Variants in NRG1 observed in about 807,000 individuals in gnomAD.
NRG1 encodes the protein pro-neuregulin-1, membrane-bound isoform.
A neutral mutation model predicts 63.8 loss-of-function variants in NRG1; 18 were observed. That is an observed-to-expected ratio of 0.28 (90% CI 0.19 to 0.42). NRG1 has a LOEUF of 0.42. Among genes scored for constraint, NRG1 ranks in the 10% least tolerant of loss-of-function variants. NRG1 has a pLI of 1.00. For synonymous variants in NRG1, 302 were observed against 301.3 expected, an observed-to-expected ratio of 1.00 and a Z score of -0.02; for missense variants, 762 against 814.7, an observed-to-expected ratio of 0.94 and a Z score of 0.79.
chr8:32,574,494 G>T (rs1839244599), intron 1 of NRG1, among the ~76,000 whole-genome samples: 1 of 152,136 alleles, frequency 6.6e-6, no homozygotes, highest in Non-Finnish European at 1.5e-5. Flanking sequence ...GGTAGGAGGT[G>T]ACTGGATCAT....
chr8:31,726,934 C>A (rs1387932124), intron 1 of NRG1, among the ~76,000 whole-genome samples: 1 of 152,146 alleles, frequency 6.6e-6, no homozygotes, highest in Admixed American at 6.6e-5. Flanking sequence ...CACTTGCAAT[C>A]ATTGGACGAA....
intron 1 of NRG1, among the ~76,000 whole-genome samples, chr8:32,006,997 A>G (rs950170726): frequency 6.6e-6 from 1 of 152,046 alleles, no homozygotes; most frequent in African/African-American, 2.4e-5. Context: ...GAGATGTCAA[A>G]GAGGATCCCA....
chr8:32,009,545 A>G (rs1253293723), intron 1 of NRG1, among the ~76,000 whole-genome samples: 1 of 152,056 alleles, frequency 6.6e-6, no homozygotes, highest in Non-Finnish European at 1.5e-5. Flanking sequence ...AATGAAAAAA[A>G]TAAAGCAGGA....
At chr8:31,796,412 A>C (rs1451599349) in intron 1 of NRG1, among the ~76,000 whole-genome samples, 1 of 92,644 alleles carries the variant, frequency 1.1e-5, no homozygotes, top group Non-Finnish European at 2.2e-5. Context: ...ATGGCGTATA[A>C]TCTTTTTTTT....
At chr8:31,801,399 C>T (rs748450042) in intron 1 of NRG1, among the ~76,000 whole-genome samples, 10 of 152,070 alleles carry the variant, frequency 6.6e-5, no homozygotes, top group Non-Finnish European at 1.3e-4. Flanking sequence ...AAATTGTCTG[C>T]TACATCTTTT....
chr8:31,823,117 C>CTTTTTTTT (rs147209584), intron 1 of NRG1, among the ~76,000 whole-genome samples: 9 of 77,960 alleles, frequency 1.2e-4, no homozygotes, highest in Admixed American at 1.6e-4. Flanking sequence ...TGTCCTTGTT[C>CTTTTTTTT]TTTTTTTTTT....
At chr8:31,713,223 T>A (rs1183579566) in intron 1 of NRG1, among the ~76,000 whole-genome samples, 2 of 150,718 alleles carry the variant, frequency 1.3e-5, no homozygotes, top group Admixed American at 1.3e-4. Context: ...TTCACGCCAT[T>A]CTCCTGCCTC....
At chr8:32,764,515 GA>G (rs1016782919) in exon 12 of NRG1, 7 of 1,000,522 alleles carry the variant, frequency 7.0e-6, no homozygotes, top group African/African-American at 3.3e-5. Context: ...TAGAAAACAG[GA>G]AAAAAACTTT....
chr8:32,640,247 A>ACG, intron 5 of NRG1, among the ~76,000 whole-genome samples: 2 of 140,834 alleles, frequency 1.4e-5, no homozygotes, highest in Middle Eastern at 7.1e-3. Context: ...TCTTTTTGTC[A>ACG]CACACACACA....
intron 1 of NRG1, among the ~76,000 whole-genome samples, chr8:32,537,195 C>CAAAA (rs71208193): frequency 0.41 from 17,813 of 43,698 alleles, 5,151 homozygotes; most frequent in East Asian, 0.82. Context: ...GACTCCATCT[C>CAAAA]AAAAAAAAAA....
At chr8:32,240,792 A>C (rs1848023285) in intron 1 of NRG1, among the ~76,000 whole-genome samples, 1 of 152,102 alleles carries the variant, frequency 6.6e-6, no homozygotes, top group Admixed American at 6.6e-5. Context: ...AGATAAAAAA[A>C]GTTTTGTAAA....
intron 1 of NRG1, among the ~76,000 whole-genome samples, chr8:32,271,607 G>A (rs1056159460): frequency 6.6e-6 from 1 of 152,126 alleles, no homozygotes; most frequent in African/African-American, 2.4e-5. Flanking sequence ...TACACTGGCA[G>A]AGATCAATGG....
At chr8:32,143,828 T>A (rs188892314) in intron 1 of NRG1, among the ~76,000 whole-genome samples, 3 of 152,212 alleles carry the variant, frequency 2.0e-5, no homozygotes, top group African/African-American at 4.8e-5. Flanking sequence ...CCAGAAAATA[T>A]GTACATGTTA....
intron 8 of NRG1, 37 bp downstream of exon 8, chr8:32,754,511 A>G (rs1829318912): frequency 1.9e-6 from 3 of 1,584,632 alleles, no homozygotes; most frequent in Admixed American, 1.7e-5. Context: ...TCTCTCCTTC[A>G]TGCAGAGACA....
intron 1 of NRG1, among the ~76,000 whole-genome samples, chr8:32,087,013 G>T (rs1300208546): frequency 6.6e-6 from 1 of 152,142 alleles, no homozygotes; most frequent in Non-Finnish European, 1.5e-5. Context: ...GAAACTACAT[G>T]CATCGAATAG....
chr8:32,244,675 G>T (rs1586344895), intron 1 of NRG1, among the ~76,000 whole-genome samples: 1 of 152,250 alleles, frequency 6.6e-6, no homozygotes, highest in East Asian at 1.9e-4. Context: ...ATTATAGGAT[G>T]CTGAACAACA....
intron 5 of NRG1, among the ~76,000 whole-genome samples, chr8:32,678,870 G>A (rs1807878601): frequency 3.3e-5 from 5 of 151,182 alleles, no homozygotes; most frequent in Non-Finnish European, 7.4e-5. Flanking sequence ...TTTTTTTCCT[G>A]TAATTTTAAT....
At chr8:31,813,516 C>CTTTTCTTTTCTTTTCTTTTTTTT in intron 1 of NRG1, among the ~76,000 whole-genome samples, 32 of 101,212 alleles carry the variant, frequency 3.2e-4, no homozygotes, top group East Asian at 1.1e-3. Flanking sequence ...CTTTTCTTTT[C>CTTTTCTTTTCTTTTCTTTTTTTT]TTTTTTTTTT....
chr8:31,720,710 C>G (rs558751528), intron 1 of NRG1, among the ~76,000 whole-genome samples: 2 of 151,968 alleles, frequency 1.3e-5, no homozygotes, highest in African/African-American at 2.4e-5. Flanking sequence ...ATTCAAGAAA[C>G]GAAAGAAAGT....
Sources: allele counts gnomAD v4.1 joint callset (sites outside exome capture counted in the v4.1 genomes callset), GRCh38; gene constraint gnomAD v4.1.1; transcripts MANE v1.5; gene names NCBI Gene and HGNC (gene_info 2026-07-23, HGNC 2026-07-21).